The following MCUB variants were observed in gnomAD, a reference collection of about 807,000 sequenced individuals.
MCUB encodes the protein calcium uniporter regulatory subunit MCUb, mitochondrial.
Under a neutral mutation model 41.4 loss-of-function variants are expected in MCUB, and 46 were observed. The ratio of observed to expected loss-of-function variants is 1.11; its 90% CI spans 0.88 to 1.42. The LOEUF (loss-of-function observed/expected upper bound fraction) is 1.42, where lower values mean the gene tolerates loss of function less well. MCUB is among the 40% of genes most tolerant of loss of function. The pLI, the probability that MCUB is intolerant of heterozygous loss-of-function variation, is 0.00. For synonymous variants in MCUB, 148 were observed against 148.2 expected, an observed-to-expected ratio of 1.00 and a Z score of 0.01; for missense variants, 403 against 404.9, an observed-to-expected ratio of 1.00 and a Z score of 0.04.
At chr4:109,676,016 G>T (rs1378257559) in intron 4 of MCUB, among the ~76,000 whole-genome samples, 2 of 152,186 alleles carry the variant, frequency 1.3e-5, no homozygotes, top group Admixed American at 1.3e-4. Context: ...CAGAAAATTG[G>T]TACCAGAAGT....
rs186975925 is a variant in MCUB, at chr4:109,566,780, G to A, written c.99+6344G>A. On this transcript the variant is annotated intron_variant, in intron 1 of 7. Transcript: ENST00000394650. ...AGTTCACAGAGCTAAGTGGTGGTAG[G>A]GCCAGGTTGGCAGGCATTCACGTGT... 1.3e-3 allele frequency among the ~76,000 whole-genome samples: 195 copies of A among 152,278 alleles called. 1 individual carries two copies. Among genetic ancestry groups the A allele is most frequent in the African/African-American group, 4.3e-3 (178 of 41,552 alleles).
chr4:109,685,082 G>A (rs371626587), intron 6 of MCUB, 169 bp from the exon 7 acceptor site: 15 of 487,966 alleles, frequency 3.1e-5, no homozygotes, highest in South Asian at 2.4e-4. Context: ...TCTTAAATGA[G>A]ACTAAATGTT....
At chr4:109,687,441 A>G (rs1729872807) in intron 7 of MCUB, 74 bp from the exon 8 acceptor site, 1 of 1,016,418 alleles carries the variant, frequency 9.8e-7, no homozygotes, top group East Asian at 2.4e-5. Flanking sequence ...AAGTTTATAG[A>G]ATTCCTCTCA....
In MCUB at chr4:109,587,343, G is replaced by A. The variant is rs571364487; in HGVS notation, c.99+26907G>A. On this transcript the variant is annotated intron_variant, in intron 1 of 7. Coordinates refer to ENST00000394650, the MANE Select transcript of MCUB (RefSeq NM_017918.5). Reference sequence around the variant, plus strand: ...TGCAGTATTTGGGCGAGAGTGTCCCGTTTTTCTGGGTACCGTCTGTCACGG... The same window carrying A: ...TGCAGTATTTGGGCGAGAGTGTCCCATTTTTCTGGGTACCGTCTGTCACGG... Among the ~76,000 whole-genome samples the A allele has an allele frequency of 5.3e-5, 8 of 152,332 alleles. No individual in the cohort carries two copies. The East Asian group carries it at 1.4e-3, about 26-fold the overall frequency.
rs149760363 is a variant in MCUB, at chr4:109,680,986, A to G, written c.452-1596A>G. The stretch of plus-strand genomic sequence containing the variant: ...GGAGGAGGTGGGATGAGGGAAGTCT[A>G]TAATCAAGAGAACTTTATATTAAAA... On this transcript the variant is annotated intron_variant, in intron 4 of 7. Coordinates refer to ENST00000394650, the MANE Select transcript of MCUB (RefSeq NM_017918.5). Among the ~76,000 whole-genome samples, 1,293 of 152,338 alleles carry G rather than the reference A, an allele frequency of 8.5e-3. 33 individuals carry two copies. Among genetic ancestry groups the G allele is most frequent in the Non-Finnish European group, 7.0e-3 (476 of 68,038 alleles).
chr4:109,661,809 G>A (rs939811434), intron 3 of MCUB, among the ~76,000 whole-genome samples: 1 of 152,102 alleles, frequency 6.6e-6, no homozygotes, highest in Non-Finnish European at 1.5e-5. Context: ...GAGGTGGGTG[G>A]ATCACCTGAG....
intron 4 of MCUB, among the ~76,000 whole-genome samples, chr4:109,677,802 ATTTTTTT>A (rs71595506): frequency 1.2e-5 from 1 of 86,604 alleles, no homozygotes. Flanking sequence ...AAGGAAACAA[ATTTTTTT>A]TTTTTTTTTT....
chr4:109,579,451 T>C (rs377197760), intron 1 of MCUB, among the ~76,000 whole-genome samples: 75 of 152,264 alleles, frequency 4.9e-4, no homozygotes, highest in African/African-American at 1.7e-3. Context: ...GGTTTCAACA[T>C]GTTGGCCAAG....
chr4:109,563,941 A>G lies in MCUB; in HGVS notation c.99+3505A>G, dbSNP rs1241675316. Among the ~76,000 whole-genome samples the G allele has an allele frequency of 2.0e-5, 3 of 152,038 alleles. No homozygotes were observed. In the East Asian group the frequency reaches 5.8e-4, roughly 29 times the overall value. ...AGGAAAAAGCCAGACCTAATAATCT[A>G]CTCAATCTAGTAAATATCATAAGAT... On this transcript the variant is annotated intron_variant, in intron 1 of 7. Transcript: ENST00000394650.
intron 1 of MCUB, among the ~76,000 whole-genome samples, chr4:109,604,094 C>A (rs1039862052): frequency 6.6e-6 from 1 of 151,928 alleles, no homozygotes; most frequent in Admixed American, 6.6e-5. Context: ...CCCCCAACCC[C>A]GTGCTCTCTG....
chr4:109,637,731 G>T (rs1469365397), intron 1 of MCUB, among the ~76,000 whole-genome samples: 3 of 152,152 alleles, frequency 2.0e-5, no homozygotes, highest in African/African-American at 4.8e-5. Flanking sequence ...ATGATACAGT[G>T]TACTTTGGGG....
At chr4:109,656,590 C>T (rs72674841) in intron 1 of MCUB, among the ~76,000 whole-genome samples, 26 of 151,922 alleles carry the variant, frequency 1.7e-4, no homozygotes, top group Middle Eastern at 3.4e-3. Flanking sequence ...TACCTGGGCT[C>T]AAACTTCTGG....
At chr4:109,606,038 G>A (rs963384139) in intron 1 of MCUB, among the ~76,000 whole-genome samples, 1 of 152,026 alleles carries the variant, frequency 6.6e-6, no homozygotes, top group African/African-American at 2.4e-5. Context: ...GCAGTGGTGC[G>A]ATCTCTGCTC....
At chr4:109,611,094 A>G (rs1479603410) in intron 1 of MCUB, among the ~76,000 whole-genome samples, 4 of 150,204 alleles carry the variant, frequency 2.7e-5, no homozygotes, top group Admixed American at 2.6e-4. Flanking sequence ...TTCCTTTGAG[A>G]TAGGATAAGA....
At chr4:109,683,435 C>A (rs1729762643) in intron 5 of MCUB, among the ~76,000 whole-genome samples, 1 of 151,916 alleles carries the variant, frequency 6.6e-6, no homozygotes, top group Non-Finnish European at 1.5e-5. Flanking sequence ...TTATCGTTTA[C>A]CATTTTAGTT....
rs556872754 is a variant in MCUB at position 109,643,927 on chromosome 4, A to G, written c.100-15084A>G. Among the ~76,000 whole-genome samples, 27 of 152,360 alleles carry G rather than the reference A, an allele frequency of 1.8e-4. No homozygotes were observed. In the South Asian group the frequency reaches 5.2e-3, roughly 29 times the overall value. ...GTTGGAAAATAAACTATTTGCTCTAAGACATTTTAAACAAATTTGTGTTAA... is the reference window on the plus strand; with the variant it reads ...GTTGGAAAATAAACTATTTGCTCTAGGACATTTTAAACAAATTTGTGTTAA... On this transcript the variant is annotated intron_variant, in intron 1 of 7. Coordinates refer to ENST00000394650, the MANE Select transcript of MCUB (RefSeq NM_017918.5).
At chr4:109,588,350 A>C (rs1727355675) in intron 1 of MCUB, among the ~76,000 whole-genome samples, 1 of 152,204 alleles carries the variant, frequency 6.6e-6, no homozygotes, top group South Asian at 2.1e-4. Context: ...CAGGTAACTC[A>C]TTCTGTGTCC....
chr4:109,672,644 GT>G (rs1288815991), intron 4 of MCUB, among the ~76,000 whole-genome samples: 1 of 152,188 alleles, frequency 6.6e-6, no homozygotes, highest in Admixed American at 6.5e-5. Flanking sequence ...ATGTGGGAGA[GT>G]TTCTGGAGGT....
At chr4:109,670,719 C>CAA (rs201042577) in intron 4 of MCUB, among the ~76,000 whole-genome samples, 4 of 125,122 alleles carry the variant, frequency 3.2e-5, no homozygotes, top group African/African-American at 8.6e-5. Context: ...ACTCTGTCTC[C>CAA]AAAAAAAAAA....
Sources: gnomAD v4.1 joint callset for allele counts (sites outside exome capture counted in the v4.1 genomes callset) on GRCh38, gnomAD v4.1.1 for gene constraint, MANE v1.5 for transcripts, NCBI Gene and HGNC (gene_info 2026-07-23, HGNC 2026-07-21) for gene names.